Variants in EPHA6 observed in about 807,000 individuals in gnomAD.
The protein encoded by EPHA6 is ephrin type-A receptor 6.
Under a neutral mutation model 112.0 loss-of-function variants are expected in EPHA6, and 50 were observed. That is an observed-to-expected ratio of 0.45 (90% CI 0.36 to 0.56). The LOEUF (loss-of-function observed/expected upper bound fraction) is 0.56, where lower values mean the gene tolerates loss of function less well. Among genes scored for constraint, EPHA6 ranks in the 20% least tolerant of loss-of-function variants. EPHA6 has a pLI of 0.00. For missense variants in EPHA6, 1,280 were observed against 1,417.4 expected (o/e 0.90, Z 1.56); for synonymous variants, 529 against 490.7 (o/e 1.08, Z -1.03).
At chr3:96,932,109 G>A (rs914634068) in intron 2 of EPHA6, among the ~76,000 whole-genome samples, 3 of 152,024 alleles carry the variant, frequency 2.0e-5, no homozygotes, top group Non-Finnish European at 4.4e-5. Context: ...TTGGGGGTGG[G>A]GGTTCCTTGG....
intron 6 of EPHA6, among the ~76,000 whole-genome samples, chr3:97,434,773 T>C (rs1375012796): frequency 2.0e-5 from 3 of 152,020 alleles, no homozygotes; most frequent in Non-Finnish European, 4.4e-5. Flanking sequence ...TGCTTCACAA[T>C]CTGGACCTCA....
intron 13 of EPHA6, among the ~76,000 whole-genome samples, chr3:97,631,184 G>T (rs1028318273): frequency 6.6e-6 from 1 of 152,026 alleles, no homozygotes; most frequent in Admixed American, 6.6e-5. Flanking sequence ...TATGGGTGAG[G>T]ATATTTTTGT....
At chr3:97,254,616 A>T (rs904743241) in intron 5 of EPHA6, among the ~76,000 whole-genome samples, 1 of 152,222 alleles carries the variant, frequency 6.6e-6, no homozygotes, top group Non-Finnish European at 1.5e-5. Context: ...TTATAAGGTG[A>T]TGGTTTTCAC....
chr3:97,394,661 T>A (rs1320613397), intron 5 of EPHA6, among the ~76,000 whole-genome samples: 3 of 151,706 alleles, frequency 2.0e-5, no homozygotes, highest in African/African-American at 4.8e-5. Context: ...ATAGCCAACC[T>A]GTACATGAAA....
At chr3:97,564,263 C>A (rs969681804) in intron 11 of EPHA6, among the ~76,000 whole-genome samples, 17 of 152,048 alleles carry the variant, frequency 1.1e-4, no homozygotes, top group African/African-American at 4.1e-4. Context: ...CATAAGTGTA[C>A]AAAAAAAGTT....
At chr3:96,885,155 T>C (rs1452797700) in intron 2 of EPHA6, among the ~76,000 whole-genome samples, 1 of 152,202 alleles carries the variant, frequency 6.6e-6, no homozygotes, top group Non-Finnish European at 1.5e-5. Context: ...TTAGGATGTA[T>C]GTTCATCAAG....
intron 5 of EPHA6, among the ~76,000 whole-genome samples, chr3:97,397,848 G>C (rs919292303): frequency 6.6e-6 from 1 of 151,332 alleles, no homozygotes; most frequent in Non-Finnish European, 1.5e-5. Context: ...AGTATGCATT[G>C]TTAAAAATAA....
Position 97,041,709 on chromosome 3 carries a change from C to G in EPHA6, c.1114+53716C>G, listed in dbSNP as rs575878458. 3.3e-5 allele frequency among the ~76,000 whole-genome samples: 5 copies of G among 152,052 alleles called. No individual in the cohort carries two copies. The East Asian group carries it at 9.7e-4, about 30-fold the overall frequency. On this transcript the variant is annotated intron_variant, in intron 3 of 17. Coordinates refer to ENST00000389672, the MANE Select transcript of EPHA6 (RefSeq NM_001080448.3). ...TTCCTCAGGAAGCATAGCTGGGAGG[C>G]CTTAGGAAACGTACAGTCATGGCAG...
chr3:97,131,935 A>T (rs904754355), intron 3 of EPHA6, among the ~76,000 whole-genome samples: 1 of 152,126 alleles, frequency 6.6e-6, no homozygotes, highest in African/African-American at 2.4e-5. Context: ...AGCAAAACCA[A>T]ACTAAATATA....
intron 5 of EPHA6, among the ~76,000 whole-genome samples, chr3:97,247,820 A>G (rs184119092): frequency 1.5e-3 from 233 of 152,102 alleles, no homozygotes; most frequent in African/African-American, 5.4e-3. Context: ...AGTCAGACTA[A>G]TAAGATTGCT....
chr3:97,127,538 T>C (rs930908921), intron 3 of EPHA6, among the ~76,000 whole-genome samples: 2 of 151,972 alleles, frequency 1.3e-5, no homozygotes, highest in Admixed American at 1.3e-4. Context: ...CCGGCCAACA[T>C]GGTGAAACCC....
At chr3:97,639,600 T>A (rs2093983175) in intron 14 of EPHA6, among the ~76,000 whole-genome samples, 1 of 152,142 alleles carries the variant, frequency 6.6e-6, no homozygotes, top group African/African-American at 2.4e-5. Context: ...AGACTTGAAA[T>A]TTAATAAAAT....
At chr3:96,898,353 G>A (rs1234479201) in intron 2 of EPHA6, among the ~76,000 whole-genome samples, 2 of 152,074 alleles carry the variant, frequency 1.3e-5, no homozygotes, top group African/African-American at 4.8e-5. Context: ...ATTGAAATGG[G>A]GAAAACATAG....
chr3:97,310,222 A>C (rs1257636898), intron 5 of EPHA6, among the ~76,000 whole-genome samples: 1 of 151,550 alleles, frequency 6.6e-6, no homozygotes, highest in Non-Finnish European at 1.5e-5. Context: ...ACCCAACTCA[A>C]ATAAGTTTAT....
intron 14 of EPHA6, among the ~76,000 whole-genome samples, chr3:97,651,848 T>G (rs1258642996): frequency 1.3e-5 from 2 of 152,088 alleles, no homozygotes; most frequent in Non-Finnish European, 1.5e-5. Context: ...TTTATTTTTT[T>G]TGTAACTTTT....
chr3:97,213,220 C>T lies in EPHA6; in HGVS notation c.1115-13044C>T, dbSNP rs540333343. 3.9e-5 allele frequency among the ~76,000 whole-genome samples: 6 copies of T among 152,302 alleles called. No individual in the cohort carries two copies. In the South Asian group the frequency reaches 1.2e-3, roughly 32 times the overall value. On this transcript the variant is annotated intron_variant, in intron 3 of 17. Transcript: ENST00000389672. The stretch of plus-strand genomic sequence containing the variant: ...TGGCAAGAAGGCTGAGGCTTTATTT[C>T]CTCCACTGTGCTGTGCCCTTCTGCA...
At chr3:97,333,806 T>A (rs1007820364) in intron 5 of EPHA6, among the ~76,000 whole-genome samples, 4 of 152,060 alleles carry the variant, frequency 2.6e-5, no homozygotes, top group African/African-American at 9.7e-5. Flanking sequence ...CCTCTTTTTT[T>A]GCTCATTGCA....
At chr3:97,371,253 A>G (rs2108980941) in intron 5 of EPHA6, among the ~76,000 whole-genome samples, 1 of 152,192 alleles carries the variant, frequency 6.6e-6, no homozygotes, top group East Asian at 1.9e-4. Context: ...AAAGATGTTG[A>G]GAAAGTCAAC....
intron 3 of EPHA6, among the ~76,000 whole-genome samples, chr3:97,123,770 T>C (rs557018654): frequency 1.1e-4 from 17 of 152,206 alleles, no homozygotes; most frequent in African/African-American, 4.1e-4. Flanking sequence ...GCATCTGGGG[T>C]GGCTTCAAGT....
Sources: allele counts gnomAD v4.1 joint callset (sites outside exome capture counted in the v4.1 genomes callset), GRCh38; gene constraint gnomAD v4.1.1; transcripts MANE v1.5; gene names NCBI Gene and HGNC (gene_info 2026-07-23, HGNC 2026-07-21).